CHAT: variants seen among roughly 807,000 people sequenced by gnomAD.
CHAT encodes the protein choline O-acetyltransferase, also known as acetyl CoA:choline O-acetyltransferase.
CHAT carries 61 observed loss-of-function variants against 76.9 expected under a neutral mutation model. That is an observed-to-expected ratio of 0.79 (90% CI 0.65 to 0.98). The LOEUF is 0.98. Among genes scored for constraint, CHAT ranks in the 50% least tolerant of loss-of-function variants. The pLI, the probability that CHAT is intolerant of heterozygous loss-of-function variation, is 0.00. For synonymous variants in CHAT, 407 were observed against 397.4 expected (o/e 1.02, Z -0.29); for missense variants, 946 against 986.9 (o/e 0.96, Z 0.56).
intron 11 of CHAT, among the ~76,000 whole-genome samples, chr10:49,652,817 G>A (rs1321710900): frequency 6.7e-6 from 1 of 150,198 alleles, no homozygotes; most frequent in East Asian, 2.0e-4. Context: ...TGCCCTGGCT[G>A]TGCCTCTGCC....
At chr10:49,627,917 CCT>C in intron 7 of CHAT, 132 bp downstream of exon 7, 1 of 1,068,140 alleles carries the variant, frequency 9.4e-7, no homozygotes, top group Non-Finnish European at 1.4e-6. Flanking sequence ...CACAGCATGC[CCT>C]GCGGCCAGCC....
In CHAT at chr10:49,651,956, A is replaced by T. The variant is rs1343350166; in HGVS notation, c.1584A>T (p.Lys528Asn). The T allele has an allele frequency of 1.2e-6, 2 of 1,614,114 alleles. No individual in the cohort carries two copies. Among genetic ancestry groups the T allele is most frequent in the Non-Finnish European group, 1.7e-6 (2 of 1,180,038 alleles). The change falls in exon 11 of 15, where the codon AAA (lysine) becomes AAT (asparagine). Residue 528 changes from lysine (K) to asparagine (N), a missense_variant. This residue lies in a region of CHAT where 349 missense variants were observed against 393.9 expected (regional missense o/e 0.89). Transcript: ENST00000337653. ...GGAAAACATTCATTAAGAAGCAGAA[A>T]TGCAGCCCTGATGCCTTCATCCAGG... ...NYGKTFIKKQ[K>N]CSPDAFIQVA... is the part of the protein sequence containing the mutation.
chr10:49,646,615 C>CT lies in CHAT; in HGVS notation c.1224dup (p.His409SerfsTer47). The stretch of plus-strand genomic sequence containing the variant: ...CGACACCCACAGGGCACTCCAGCTC[C>CT]TTCACGGCGGAGGCTACAGCAAGAA... On this transcript the variant is annotated frameshift_variant, in exon 8 of 15. Coordinates refer to ENST00000337653, the MANE Select transcript of CHAT (RefSeq NM_020549.5). LOFTEE classifies it high-confidence loss of function. 1 of 1,614,220 alleles carries CT rather than the reference C, an allele frequency of 6.2e-7. No individual in the cohort carries two copies. The highest frequency in any genetic ancestry group is 1.7e-5 in the Admixed American group (1 of 60,034).
chr10:49,653,533 C>T (rs1294728442), intron 11 of CHAT, among the ~76,000 whole-genome samples: 1 of 152,208 alleles, frequency 6.6e-6, no homozygotes, highest in African/African-American at 2.4e-5. Context: ...GTAGACACAG[C>T]AGCCCAGTGT....
intron 11 of CHAT, among the ~76,000 whole-genome samples, chr10:49,654,252 C>A (rs556091318): frequency 6.6e-6 from 1 of 152,338 alleles, no homozygotes; most frequent in Admixed American, 6.5e-5. Flanking sequence ...GTGTCACACA[C>A]CCTGCAGACT....
intron 7 of CHAT, among the ~76,000 whole-genome samples, chr10:49,632,537 T>C (rs900016321): frequency 1.3e-5 from 2 of 151,726 alleles, no homozygotes; most frequent in African/African-American, 4.8e-5. Context: ...GGGCACAGAG[T>C]CCAGGCAAGC....
At chr10:49,610,942 G>A (rs761880188), upstream of CHAT, 7 of 1,610,562 alleles carry the variant, frequency 4.3e-6, no homozygotes, top group Middle Eastern at 1.7e-4. Flanking sequence ...GCGCGGGGGC[G>A]GCGAGGGCCC....
At chr10:49,631,028 G>A in intron 7 of CHAT, among the ~76,000 whole-genome samples, 1 of 152,220 alleles carries the variant, frequency 6.6e-6, no homozygotes, top group East Asian at 1.9e-4. Flanking sequence ...TTTTAGGAGA[G>A]GCTAATTAAC....
chr10:49,631,588 G>A (rs1219420878), intron 7 of CHAT, among the ~76,000 whole-genome samples: 1 of 152,208 alleles, frequency 6.6e-6, no homozygotes, highest in African/African-American at 2.4e-5. Context: ...TGAGAGCATA[G>A]CAGGGCCGAG....
intron 1 of CHAT, chr10:49,615,868 G>A (rs767685832): frequency 4.5e-5 from 28 of 628,700 alleles, no homozygotes; most frequent in African/African-American, 2.4e-4. Flanking sequence ...CTGCAGACCC[G>A]AGACTGCCTA....
chr10:49,640,840 TTTTG>T lies in CHAT; in HGVS notation c.1112-5645_1112-5642del, dbSNP rs199505786. On this transcript the variant is annotated intron_variant, in intron 7 of 14. Transcript: ENST00000337653. ...AGAGAGAGCAGGCTTTTGTTGATTA[TTTTG>T]TTTGTTTGTTTGTTTGTTTTTAACT... Among the ~76,000 whole-genome samples the T allele has an allele frequency of 2.6e-3, 392 of 152,366 alleles. 3 individuals are homozygous for T. Among genetic ancestry groups the T allele is most frequent in the African/African-American group, 9.2e-3 (382 of 41,580 alleles).
intron 2 of CHAT, among the ~76,000 whole-genome samples, chr10:49,618,163 T>C (rs913667079): frequency 6.6e-6 from 1 of 152,164 alleles, no homozygotes; most frequent in Non-Finnish European, 1.5e-5. Flanking sequence ...ATGTCTCTTA[T>C]CCAAAGCCAT....
upstream of CHAT, chr10:49,613,239 T>G (rs944300582): frequency 4.3e-4 from 65 of 152,306 alleles, 4 homozygotes; most frequent in Non-Finnish European, 1.5e-5. Context: ...ATTAGAGAAC[T>G]TGTCCTAGGA....
chr10:49,612,334 A>G, upstream of CHAT: 1 of 1,583,988 alleles, frequency 6.3e-7, no homozygotes, highest in African/African-American at 1.3e-5. Context: ...CTACACCCGC[A>G]GCTAGCATCC....
intron 7 of CHAT, among the ~76,000 whole-genome samples, chr10:49,645,411 T>C (rs968411579): frequency 6.6e-5 from 10 of 152,188 alleles, no homozygotes; most frequent in Non-Finnish European, 1.2e-4. Context: ...TGTTAAACTT[T>C]GGGTGGACTT....
chr10:49,615,827 TG>T, intron 1 of CHAT: 1 of 587,506 alleles, frequency 1.7e-6, no homozygotes, highest in Non-Finnish European at 3.0e-6. Context: ...CATACCTCCC[TG>T]GGCACTCCTA....
Position 49,614,409 on chromosome 10 carries a change from ACC to A in CHAT, c.224_225del (p.Pro75ArgfsTer5). 6.5e-7 allele frequency: 1 copy of A among 1,546,544 alleles called. No individual in the cohort carries two copies. Among genetic ancestry groups the A allele is most frequent in the Non-Finnish European group, 8.7e-7 (1 of 1,146,206 alleles). ...ATRPPPLPAH[T>X]PAHTPEWCGA... ...ACGCCCCCCACCCCTTCCGGCTCACACCCCCGCCCACACTCCTGAGTGGTGCG... is the reference window on the plus strand; with the variant it reads ...ACGCCCCCCACCCCTTCCGGCTCACACCCGCCCACACTCCTGAGTGGTGCG... On this transcript the variant is annotated frameshift_variant, in exon 1 of 15. Transcript: ENST00000337653. LOFTEE classifies it high-confidence loss of function.
In CHAT at chr10:49,665,092, C is replaced by CCAGATCCTG; in HGVS notation, c.*50_*51insTCCTGCAGA. ...CTCCCAAACCCAGCCTCTAGAACAG[C>CCAGATCCTG]CAGACCCTGCAGATCCCCACTCCCG... On this transcript the variant is annotated 3_prime_UTR_variant, in exon 15 of 15. Coordinates refer to ENST00000337653, the MANE Select transcript of CHAT (RefSeq NM_020549.5). The CCAGATCCTG allele has an allele frequency of 6.2e-7, 1 of 1,607,614 alleles. No individual in the cohort carries two copies. Among genetic ancestry groups the CCAGATCCTG allele is most frequent in the East Asian group, 2.2e-5 (1 of 44,860 alleles).
At chr10:49,641,560 C>T (rs1564484836) in intron 7 of CHAT, among the ~76,000 whole-genome samples, 2 of 152,116 alleles carry the variant, frequency 1.3e-5, no homozygotes, top group Non-Finnish European at 2.9e-5. Context: ...TGAGGACTGA[C>T]AGCATAAAGA....
Sources: allele counts gnomAD v4.1 joint callset (sites outside exome capture counted in the v4.1 genomes callset), GRCh38; gene constraint gnomAD v4.1.1; regional missense constraint gnomAD v4.1.1; transcripts MANE v1.5; gene names NCBI Gene and HGNC (gene_info 2026-07-23, HGNC 2026-07-21).